The following ZNF226 variants were observed in gnomAD, a reference collection of about 807,000 sequenced individuals.
ZNF226 encodes Kruppel-associated box protein.
In ZNF226, 6 loss-of-function variants were observed where a neutral mutation model predicts 11.4. That is an observed-to-expected ratio of 0.53 (90% CI 0.29 to 1.04). The LOEUF (loss-of-function observed/expected upper bound fraction) is 1.04, where lower values mean the gene tolerates loss of function less well. Ranked by LOEUF, ZNF226 falls within the 50% of genes least tolerant of loss-of-function variation. ZNF226 has a pLI of 0.08. For synonymous variants in ZNF226, 350 were observed against 322.8 expected, an observed-to-expected ratio of 1.08 and a Z score of -0.90; for missense variants, 1,058 against 956.5, an observed-to-expected ratio of 1.11 and a Z score of -1.40.
rs184781457 is a variant in ZNF226, at chr19:44,173,267, C to T, written c.235+315C>T. ...TACACGGTGTGCTTTTCATCCCCCA[C>T]TACCTCTCTAAATATATCTTCTATA... On this transcript the variant is annotated intron_variant, in intron 5 of 5. Transcript: ENST00000337433. 1.2e-3 allele frequency: 503 copies of T among 436,344 alleles called. 6 individuals are homozygous for T. The highest frequency in any genetic ancestry group is 9.2e-3 in the African/African-American group (458 of 49,568). The allele number at this position is 436,344 out of a possible 1,614,324, so 27.0% of individuals were successfully genotyped here.
intron 1 of ZNF226, 76 bp from the exon 2 acceptor site, chr19:44,165,681 C>G (rs1286314143): frequency 6.6e-6 from 1 of 152,144 alleles, no homozygotes. Flanking sequence ...CTAACTGGTC[C>G]TGGGAGATGC....
chr19:44,186,425 GTTA>G, the ZNF226 span, among the ~76,000 whole-genome samples: 1 of 151,926 alleles, frequency 6.6e-6, no homozygotes, highest in African/African-American at 2.4e-5. Context: ...AAATATTTCA[GTTA>G]TTTGATTAAG....
downstream of ZNF226, chr19:44,177,700 G>C (rs780748642): frequency 2.5e-5 from 39 of 1,540,030 alleles, no homozygotes; most frequent in African/African-American, 4.1e-5. Flanking sequence ...CGTGTCATTT[G>C]AATTCTTCCA....
chr19:44,171,206 C>T lies in ZNF226; in HGVS notation c.16-882C>T, dbSNP rs572779812. The stretch of plus-strand genomic sequence containing the variant: ...TTGAAAAATACTGCCTTTTAAAATC[C>T]GTAACATTAGGTATTCAGAATTGAA... On this transcript the variant is annotated intron_variant, in intron 3 of 5. Coordinates refer to ENST00000337433, the MANE Select transcript of ZNF226 (RefSeq NM_001032373.2). Among the ~76,000 whole-genome samples the T allele has an allele frequency of 1.4e-4, 21 of 152,074 alleles. No homozygotes were observed. In the East Asian group the frequency reaches 3.3e-3, roughly 24 times the overall value.
chr19:44,177,512 T>A lies in ZNF226; in HGVS notation c.2250T>A (p.Thr750=). ...TACAGTCTCATCAGCGAGTTCACACTGGGGAGAAACCTTATAAATGTGAGA... is the reference window on the plus strand; with the variant it reads ...TACAGTCTCATCAGCGAGTTCACACAGGGGAGAAACCTTATAAATGTGAGA... ...SQLQSHQRVH[T]GEKPYKCEIC... Residue 750 remains threonine, a synonymous_variant, in exon 6 of 6, where the codon ACT becomes ACA. Transcript: ENST00000337433. The A allele has an allele frequency of 6.2e-7, 1 of 1,614,154 alleles. No homozygotes were observed.
chr19:44,193,190 AT>A, the ZNF226 span, among the ~76,000 whole-genome samples: 11 of 151,816 alleles, frequency 7.2e-5, no homozygotes, highest in East Asian at 1.9e-4. Context: ...AAATTGCTTA[AT>A]TTTTTTTCTT....
downstream of ZNF226, among the ~76,000 whole-genome samples, chr19:44,182,855 T>C (rs1219122081): frequency 2.0e-5 from 3 of 152,180 alleles, no homozygotes; most frequent in African/African-American, 7.2e-5. Context: ...GTGGTGTCCC[T>C]CTGGCTGAAA....
At chr19:44,172,798 A>G in intron 4 of ZNF226, 62 bp from the exon 5 acceptor site, 2 of 1,393,040 alleles carry the variant, frequency 1.4e-6, no homozygotes, top group East Asian at 5.0e-5. Flanking sequence ...TGCAACTCAG[A>G]TTTCCAGTGT....
chr19:44,167,276 G>A (rs143764782), intron 2 of ZNF226, among the ~76,000 whole-genome samples: 19 of 143,966 alleles, frequency 1.3e-4, no homozygotes, highest in Non-Finnish European at 1.7e-4. Flanking sequence ...TCTCGTCATC[G>A]TTATTATTCT....
chr19:44,197,727 A>T, the ZNF226 span, among the ~76,000 whole-genome samples: 2 of 152,170 alleles, frequency 1.3e-5, no homozygotes, highest in African/African-American at 4.8e-5. Context: ...TGTCAGTCTT[A>T]TTCTTGTATT....
the ZNF226 span, among the ~76,000 whole-genome samples, chr19:44,189,369 A>G: frequency 3.9e-5 from 6 of 152,216 alleles, no homozygotes; most frequent in African/African-American, 9.6e-5. Flanking sequence ...TAATGTAACT[A>G]TGTGCGTGTT....
the ZNF226 span, among the ~76,000 whole-genome samples, chr19:44,188,444 T>C: frequency 6.6e-6 from 1 of 152,212 alleles, no homozygotes; most frequent in Non-Finnish European, 1.5e-5. Context: ...TTTTGGGTGA[T>C]TATTCCCTAA....
Position 44,175,472 on chromosome 19 carries a change from T to C in ZNF226, c.236-26T>C, listed in dbSNP as rs79369728. ...AATCTTTGAACAAAAAAATTCACTA[T>C]CTCTCTGAATCCTTTGTCCTTACAG... On this transcript the variant is annotated intron_variant, in intron 5 of 5. Transcript: ENST00000337433. 2.8e-3 allele frequency: 4,274 copies of C among 1,536,682 alleles called. 13 individuals carry two copies. The highest frequency in any genetic ancestry group is 3.2e-3 in the Non-Finnish European group (3,645 of 1,148,816).
rs908177442 is a variant in ZNF226, at chr19:44,177,402, C to T, written c.2140C>T (p.Leu714Phe). Residue 714 changes from leucine (L) to phenylalanine (F), a missense_variant, in exon 6 of 6, where the codon CTT becomes TTT. Leu to Phe is a conservative substitution (Grantham distance 22). Transcript: ENST00000337433. ...TAAGTACTTCAGTCAGGCCTCAAGT[C>T]TTCAACTTCATCAGAGTGTCCACAC... ...CGKYFSQASS[L>F]QLHQSVHTGE... 3 of 1,613,880 alleles carry T rather than the reference C, an allele frequency of 1.9e-6. No individual in the cohort carries two copies. Among genetic ancestry groups the T allele is most frequent in the African/African-American group, 2.7e-5 (2 of 74,938 alleles).
In ZNF226 at chr19:44,175,592, C is replaced by CTTAA; in HGVS notation, c.331_334dup (p.Thr112IlefsTer11). 1 of 1,613,612 alleles carries CTTAA rather than the reference C, an allele frequency of 6.2e-7. No individual in the cohort carries two copies. The highest frequency in any genetic ancestry group is 8.5e-7 in the Non-Finnish European group (1 of 1,179,764). On this transcript the variant is annotated frameshift_variant, in exon 6 of 6. Transcript: ENST00000337433. LOFTEE classifies it low-confidence loss of function (END_TRUNC). Reference sequence around the variant, plus strand: ...AAATCTGGCAACAAATTGCAAATGACTTAACCAGGTGTCAAGACTCCATGA... The same window carrying CTTAA: ...AAATCTGGCAACAAATTGCAAATGACTTAATTAACCAGGTGTCAAGACTCCATGA...
At chr19:44,174,785 G>T (rs1258740987) in intron 5 of ZNF226, 1 of 404,292 alleles carries the variant, frequency 2.5e-6, no homozygotes, top group Non-Finnish European at 4.3e-6. Context: ...AGCATTCTTT[G>T]CTAGCCTTCC....
At position 44,177,559 on chromosome 19, in the gene ZNF226, G is replaced by C; in HGVS notation, c.2297G>C (p.Trp766Ser). 1 of 1,614,018 alleles carries C rather than the reference G, an allele frequency of 6.2e-7. No homozygotes were observed. The highest frequency in any genetic ancestry group is 8.5e-7 in the Non-Finnish European group (1 of 1,179,936). ...KCEICGKSFS[W>S]RSNLTVHHRI... ...GAGATATGTGGTAAGAGCTTCAGTT[G>C]GCGATCAAATCTTACAGTTCATCAC... The change falls in exon 6 of 6, where the codon TGG (tryptophan) becomes TCG (serine). Residue 766 changes from tryptophan to serine, a missense_variant. By Grantham distance (177) the Trp-to-Ser change is radical. Transcript: ENST00000337433.
At chr19:44,190,517 A>C in the ZNF226 span, among the ~76,000 whole-genome samples, 1 of 151,968 alleles carries the variant, frequency 6.6e-6, no homozygotes, top group African/African-American at 2.4e-5. Context: ...TTGTATTTTT[A>C]GTAGAGATGG....
At position 44,172,876 on chromosome 19, in the gene ZNF226, A is replaced by G; in HGVS notation, c.159A>G (p.Lys53=). Residue 53 remains lysine, a synonymous_variant, in exon 5 of 6, where the codon AAA becomes AAG. Coordinates refer to ENST00000337433, the MANE Select transcript of ZNF226 (RefSeq NM_001032373.2). The stretch of plus-strand genomic sequence containing the variant: ...TTTTCACAGGGCATCCACCCTTCAA[A>G]CAAGATGTATCACCTATAGAAAGAA... ...NLLSVGHPPF[K]QDVSPIERNE... is the part of the protein sequence containing the mutation. The G allele has an allele frequency of 6.2e-7, 1 of 1,603,612 alleles. No individual in the cohort carries two copies. Among genetic ancestry groups the G allele is most frequent in the Non-Finnish European group, 8.5e-7 (1 of 1,174,980 alleles).
Sources: allele counts gnomAD v4.1 joint callset (sites outside exome capture counted in the v4.1 genomes callset), GRCh38; gene constraint gnomAD v4.1.1; transcripts MANE v1.5; gene names NCBI Gene and HGNC (gene_info 2026-07-23, HGNC 2026-07-21).